KCNN3: variants seen among roughly 807,000 people sequenced by gnomAD.
The protein encoded by KCNN3 is small conductance calcium-activated potassium channel protein 3.
KCNN3 carries 16 observed loss-of-function variants against 62.9 expected under a neutral mutation model. The ratio of observed to expected loss-of-function variants is 0.25; its 90% confidence interval spans 0.17 to 0.39. The LOEUF (loss-of-function observed/expected upper bound fraction) is 0.39, where lower values mean the gene tolerates loss of function less well. KCNN3 is among the 10% of genes least tolerant of loss of function. The pLI is 1.00. For missense variants in KCNN3, 599 were observed against 949.4 expected, an observed-to-expected ratio of 0.63 and a Z score of 4.85; for synonymous variants, 370 against 389.2, an observed-to-expected ratio of 0.95 and a Z score of 0.58.
At chr1:154,713,355 T>C in intron 7 of KCNN3, 109 bp downstream of exon 7, 1 of 853,318 alleles carries the variant, frequency 1.2e-6, no homozygotes, top group Non-Finnish European at 2.0e-6. Context: ...TTTCTTTGCT[T>C]GCCTGGTCCC....
chr1:154,730,812 C>G (rs1017586357), intron 4 of KCNN3, among the ~76,000 whole-genome samples: 1 of 152,152 alleles, frequency 6.6e-6, no homozygotes, highest in Non-Finnish European at 1.5e-5. Context: ...TTGATCACAC[C>G]TCAATCCACA....
At chr1:154,799,222 C>T (rs1417902695) in intron 2 of KCNN3, among the ~76,000 whole-genome samples, 1 of 152,124 alleles carries the variant, frequency 6.6e-6, no homozygotes, top group Non-Finnish European at 1.5e-5. Flanking sequence ...TGGCCTAAAG[C>T]ACACTTTAAA....
chr1:154,761,467 CATAA>C (rs1037544836), intron 3 of KCNN3, among the ~76,000 whole-genome samples: 3 of 152,012 alleles, frequency 2.0e-5, no homozygotes, highest in African/African-American at 7.3e-5. Context: ...GACTCTATCT[CATAA>C]ATAAATAAAT....
Position 154,757,561 on chromosome 1 carries a change from C to T in KCNN3, c.1448+14414G>A, listed in dbSNP as rs144206809. 2.8e-4 allele frequency among the ~76,000 whole-genome samples: 43 copies of T among 152,320 alleles called. 1 individual carries two copies. The highest frequency in any genetic ancestry group is 4.9e-4 in the Non-Finnish European group (33 of 68,034). ...CTAAACAGAGATGGGCCCTGGGTCT[C>T]GCTCCCTAATTCCCAGGCCATTATG... On this transcript the variant is annotated intron_variant, in intron 3 of 7. Coordinates refer to ENST00000271915, the MANE Select transcript of KCNN3 (RefSeq NM_002249.6).
At chr1:154,804,265 C>T (rs1479679509) in intron 2 of KCNN3, among the ~76,000 whole-genome samples, 2 of 152,222 alleles carry the variant, frequency 1.3e-5, no homozygotes, top group Non-Finnish European at 2.9e-5. Context: ...ACAATTGGCT[C>T]GAATTCACAA....
rs1284624742 is a variant in KCNN3 at position 154,707,350 on chromosome 1, T to C, written c.*626A>G. On this transcript the variant is annotated 3_prime_UTR_variant, in exon 8 of 8. Transcript: ENST00000271915. The stretch of plus-strand genomic sequence containing the variant: ...CGTGGGATGTGTATGTGTGTACATG[T>C]ACACGTTTGCAAACACACAGGTTTA... 3 of 151,674 alleles carry C rather than the reference T, an allele frequency of 2.0e-5. No homozygotes were observed. The highest frequency in any genetic ancestry group is 4.4e-5 in the Non-Finnish European group (3 of 68,046). The allele number at this position is 151,674 out of a possible 1,614,324, so 9.4% of individuals were successfully genotyped here.
chr1:154,790,119 A>G (rs1649446594), intron 2 of KCNN3, among the ~76,000 whole-genome samples: 1 of 152,146 alleles, frequency 6.6e-6, no homozygotes, highest in African/African-American at 2.4e-5. Context: ...CGCTACATAT[A>G]TGGCAACATA....
chr1:154,855,678 A>G (rs1030938797), intron 1 of KCNN3, among the ~76,000 whole-genome samples: 1 of 152,222 alleles, frequency 6.6e-6, no homozygotes, highest in Non-Finnish European at 1.5e-5. Context: ...CACATTTCTT[A>G]GACTGCGTCC....
At chr1:154,727,697 A>G (rs1451642796) in intron 4 of KCNN3, among the ~76,000 whole-genome samples, 1 of 152,162 alleles carries the variant, frequency 6.6e-6, no homozygotes, top group African/African-American at 2.4e-5. Context: ...TGTGACTTAC[A>G]GGAGACTCTG....
intron 2 of KCNN3, among the ~76,000 whole-genome samples, chr1:154,815,538 G>T (rs928594854): frequency 1.1e-4 from 17 of 152,312 alleles, no homozygotes; most frequent in African/African-American, 3.8e-4. Context: ...GTGGATAAAG[G>T]TCTAGGACAA....
intron 2 of KCNN3, among the ~76,000 whole-genome samples, chr1:154,780,016 G>T (rs1648956458): frequency 6.6e-6 from 1 of 152,028 alleles, no homozygotes; most frequent in African/African-American, 2.4e-5. Flanking sequence ...TCAGGACAGG[G>T]CCGTTCAGCT....
At chr1:154,777,238 C>T (rs1648829343) in intron 2 of KCNN3, among the ~76,000 whole-genome samples, 1 of 152,052 alleles carries the variant, frequency 6.6e-6, no homozygotes, top group Admixed American at 6.5e-5. Flanking sequence ...CACCTCCTGC[C>T]TCATCTGTGT....
intron 4 of KCNN3, among the ~76,000 whole-genome samples, chr1:154,728,206 G>A (rs1045754549): frequency 1.3e-5 from 2 of 151,412 alleles, no homozygotes; most frequent in African/African-American, 4.9e-5. Flanking sequence ...TTAATGAGAA[G>A]CTAGAGTGTT....
chr1:154,779,291 T>C (rs565044757), intron 2 of KCNN3, among the ~76,000 whole-genome samples: 3 of 152,332 alleles, frequency 2.0e-5, no homozygotes, highest in African/African-American at 7.2e-5. Flanking sequence ...TGGCACATAT[T>C]AGAAAAGCCA....
intron 2 of KCNN3, among the ~76,000 whole-genome samples, chr1:154,774,004 T>C (rs1005005833): frequency 2.6e-5 from 4 of 152,214 alleles, no homozygotes; most frequent in African/African-American, 9.6e-5. Context: ...CTAACACTAC[T>C]GGCTCCATGA....
intron 3 of KCNN3, among the ~76,000 whole-genome samples, chr1:154,763,538 GAAAAACTTTA>G (rs1648119883): frequency 6.6e-6 from 1 of 152,102 alleles, no homozygotes; most frequent in South Asian, 2.1e-4. Context: ...CATTGTGCCT[GAAAAACTTTA>G]AGGATGTTTT....
At chr1:154,733,482 C>G (rs1241704326) in intron 3 of KCNN3, among the ~76,000 whole-genome samples, 1 of 152,206 alleles carries the variant, frequency 6.6e-6, no homozygotes, top group African/African-American at 2.4e-5. Context: ...ATTTTCCCTT[C>G]CAAGCCGACA....
At chr1:154,735,144 G>A (rs1204024793) in intron 3 of KCNN3, among the ~76,000 whole-genome samples, 1 of 152,192 alleles carries the variant, frequency 6.6e-6, no homozygotes, top group Non-Finnish European at 1.5e-5. Context: ...ATGGTCGGCG[G>A]GTGGCGAGCA....
At chr1:154,714,148 GT>G (rs1700145074) in intron 6 of KCNN3, among the ~76,000 whole-genome samples, 1 of 142,256 alleles carries the variant, frequency 7.0e-6, no homozygotes, top group Non-Finnish European at 1.5e-5. Flanking sequence ...GTGTTTGTGT[GT>G]GGTATGTATG....
Sources: allele counts gnomAD v4.1 joint callset (sites outside exome capture counted in the v4.1 genomes callset), GRCh38; gene constraint gnomAD v4.1.1; transcripts MANE v1.5; gene names NCBI Gene and HGNC (gene_info 2026-07-23, HGNC 2026-07-21).